Variants in LCK observed in about 807,000 individuals in gnomAD.
The protein encoded by LCK is LCK proto-oncogene, Src family tyrosine kinase.
Under a neutral mutation model 64.6 loss-of-function variants are expected in LCK, and 14 were observed. That is an observed-to-expected ratio of 0.22 (90% CI 0.14 to 0.34). LCK has a LOEUF of 0.34. Among genes scored for constraint, LCK ranks in the 10% least tolerant of loss-of-function variants. The pLI, the probability that LCK is intolerant of heterozygous loss-of-function variation, is 1.00. For synonymous variants in LCK, 277 were observed against 263.6 expected, an observed-to-expected ratio of 1.05 and a Z score of -0.49; for missense variants, 434 against 668.1, an observed-to-expected ratio of 0.65 and a Z score of 3.86.
intron 1 of LCK, among the ~76,000 whole-genome samples, chr1:32,254,995 T>A (rs576713206): frequency 6.7e-5 from 10 of 150,262 alleles, no homozygotes; most frequent in East Asian, 2.0e-4. Context: ...TTTAATTATT[T>A]AAAAAAAAAA....
rs58883024 is a variant in LCK, at chr1:32,255,006, T to A, written c.-6+3635T>A. Among the ~76,000 whole-genome samples, 455 of 151,722 alleles carry A rather than the reference T, an allele frequency of 3.0e-3. 2 individuals are homozygous for A. The highest frequency in any genetic ancestry group is 9.9e-3 in the African/African-American group (410 of 41,376). ...TCTATTTAATTATTTAAAAAAAAAA[T>A]AAAATTTAAAACTCAAACAGTAAGA... On this transcript the variant is annotated intron_variant, in intron 1 of 12. Coordinates refer to ENST00000336890, the MANE Select transcript of LCK (RefSeq NM_005356.5).
intron 1 of LCK, among the ~76,000 whole-genome samples, chr1:32,260,408 T>C (rs1312184889): frequency 6.6e-6 from 1 of 152,094 alleles, no homozygotes; most frequent in Non-Finnish European, 1.5e-5. Context: ...GGCCCTAGGA[T>C]TACAGGCGTG....
At chr1:32,255,716 T>A (rs894539295) in intron 1 of LCK, among the ~76,000 whole-genome samples, 10 of 152,110 alleles carry the variant, frequency 6.6e-5, no homozygotes, top group Admixed American at 3.3e-4. Context: ...CAGGGCCAAA[T>A]GCATGGGACG....
Position 32,273,055 on chromosome 1 carries a change from T to C in LCK, c.-5-1270T>C, listed in dbSNP as rs546840211. 2.2e-5 allele frequency among the ~76,000 whole-genome samples: 3 copies of C among 137,110 alleles called. No individual in the cohort carries two copies. In the East Asian group the frequency reaches 6.9e-4, roughly 31 times the overall value. 89.9% of individuals were successfully genotyped at this position (137,110 alleles called of 152,430 possible). A position where few individuals can be genotyped will look rare whatever the true frequency, so the allele number is the denominator to read the frequency against. On this transcript the variant is annotated intron_variant, in intron 1 of 12. Transcript: ENST00000336890. ...GTGGACGAGTGTGTGTGTTCCTGGG[T>C]GTGGGAGCCTGTGTGTGTAGGGGGA... is the stretch of plus-strand genomic sequence containing the variant.
At chr1:32,258,051 A>C (rs1399749992) in intron 1 of LCK, among the ~76,000 whole-genome samples, 1 of 151,838 alleles carries the variant, frequency 6.6e-6, no homozygotes, top group Non-Finnish European at 1.5e-5. Flanking sequence ...GGGAGGCCAA[A>C]GCAAGGGGAC....
intron 1 of LCK, among the ~76,000 whole-genome samples, chr1:32,266,501 C>CAA (rs1270322683): frequency 6.5e-5 from 4 of 61,880 alleles, no homozygotes; most frequent in Admixed American, 1.5e-4. Flanking sequence ...GACTCTGTCT[C>CAA]AAAAAAAAAA....
rs185830158 is a variant in LCK, at chr1:32,254,576, G to A, written c.-6+3205G>A. On this transcript the variant is annotated intron_variant, in intron 1 of 12. Transcript: ENST00000336890. ...TGCCCAGGATGGAGTGCAGTGGTGC[G>A]AGCTTGGCTCACTGCAACCTCCGTC... Among the ~76,000 whole-genome samples the A allele has an allele frequency of 3.1e-3, 469 of 152,200 alleles. 6 individuals carry two copies. The highest frequency in any genetic ancestry group is 7.2e-3 in the Admixed American group (110 of 15,280).
At chr1:32,265,178 G>C (rs1639877305) in intron 1 of LCK, among the ~76,000 whole-genome samples, 1 of 145,568 alleles carries the variant, frequency 6.9e-6, no homozygotes, top group Non-Finnish European at 1.5e-5. Flanking sequence ...GTGAGACTTT[G>C]TCTCAAAAAA....
At chr1:32,259,824 CAAAAT>C (rs1388723200) in intron 1 of LCK, among the ~76,000 whole-genome samples, 1 of 151,200 alleles carries the variant, frequency 6.6e-6, no homozygotes, top group Non-Finnish European at 1.5e-5. Context: ...GACCCTGTCT[CAAAAT>C]AAAATAAAAT....
intron 1 of LCK, among the ~76,000 whole-genome samples, chr1:32,263,976 T>G (rs1442793312): frequency 6.6e-6 from 1 of 151,714 alleles, no homozygotes; most frequent in Non-Finnish European, 1.5e-5. Context: ...TATAAACAGA[T>G]GTATGCCTAT....
At position 32,256,470 on chromosome 1, in the gene LCK, C is replaced by T. The variant is rs548195764; in HGVS notation, c.-6+5099C>T. 7.2e-5 allele frequency among the ~76,000 whole-genome samples: 11 copies of T among 151,800 alleles called. No homozygotes were observed. The South Asian group carries it at 2.3e-3, about 32-fold the overall frequency. ...CAAATTAGCCAGGCGTGGTGGCAGG[C>T]GCCTGTAATCCCAGTTACTTGGGAG... On this transcript the variant is annotated intron_variant, in intron 1 of 12. Transcript: ENST00000336890.
At chr1:32,254,605 C>G (rs1639585523) in intron 1 of LCK, among the ~76,000 whole-genome samples, 1 of 152,206 alleles carries the variant, frequency 6.6e-6, no homozygotes, top group African/African-American at 2.4e-5. Context: ...CTCCGTCTCC[C>G]TGGTTCAAGT....
At chr1:32,263,614 C>T (rs947259592) in intron 1 of LCK, among the ~76,000 whole-genome samples, 1 of 151,906 alleles carries the variant, frequency 6.6e-6, no homozygotes, top group Non-Finnish European at 1.5e-5. Context: ...TGGCTTATGC[C>T]TGTAATCCCA....
At chr1:32,258,496 A>AG (rs1262156459) in intron 1 of LCK, among the ~76,000 whole-genome samples, 1 of 149,774 alleles carries the variant, frequency 6.7e-6, no homozygotes, top group African/African-American at 2.5e-5. Flanking sequence ...AAAAAAAAAA[A>AG]CCAGGCTGGG....
chr1:32,265,650 G>C (rs1365472041), intron 1 of LCK, among the ~76,000 whole-genome samples: 1 of 152,142 alleles, frequency 6.6e-6, no homozygotes, highest in African/African-American at 2.4e-5. Flanking sequence ...TGCCTTGCAT[G>C]CTTTCCTGGA....
intron 1 of LCK, among the ~76,000 whole-genome samples, chr1:32,273,363 AGTGT>A (rs1050879409): frequency 2.3e-5 from 3 of 132,894 alleles, no homozygotes; most frequent in African/African-American, 8.6e-5. Context: ...TGTGTGTGAG[AGTGT>A]GTGTGTGTAG....
At chr1:32,280,691 G>A (rs1640432140) in intron 12 of LCK, among the ~76,000 whole-genome samples, 1 of 151,914 alleles carries the variant, frequency 6.6e-6, no homozygotes, top group African/African-American at 2.4e-5. Flanking sequence ...TCCTGACCTC[G>A]TGATTGGCCT....
chr1:32,255,379 T>C (rs1639604733), intron 1 of LCK, among the ~76,000 whole-genome samples: 1 of 152,246 alleles, frequency 6.6e-6, no homozygotes, highest in African/African-American at 2.4e-5. Context: ...AAGAATCCCC[T>C]GTATACATAT....
rs1640265277 is a variant in LCK at position 32,276,249 on chromosome 1, C to G, written c.632-88C>G. The G allele has an allele frequency of 1.3e-6, 2 of 1,499,054 alleles. No homozygotes were observed. Among genetic ancestry groups the G allele is most frequent in the Non-Finnish European group, 1.8e-6 (2 of 1,124,898 alleles). 92.9% of individuals were successfully genotyped at this position (1,499,054 alleles called of 1,614,324 possible). ...ACACCCCCTTGCTAGTCCACTTCACCTAGATGGGGGCTTGGAGAAGTGGGG... is the reference window on the plus strand; with the variant it reads ...ACACCCCCTTGCTAGTCCACTTCACGTAGATGGGGGCTTGGAGAAGTGGGG... On this transcript the variant is annotated intron_variant, in intron 7 of 12. Coordinates refer to ENST00000336890, the MANE Select transcript of LCK (RefSeq NM_005356.5). The surrounding 1 kb of genome is among the most constrained non-coding windows in gnomAD (Gnocchi z 4.6).
Sources: allele counts gnomAD v4.1 joint callset (sites outside exome capture counted in the v4.1 genomes callset), GRCh38; gene constraint gnomAD v4.1.1; non-coding constraint Gnocchi (gnomAD v3.1); transcripts MANE v1.5; gene names NCBI Gene and HGNC (gene_info 2026-07-23, HGNC 2026-07-21).